OCA2: variants seen among roughly 807,000 people sequenced by gnomAD.
OCA2 encodes the protein P protein.
Under a neutral mutation model 100.2 loss-of-function variants are expected in OCA2, and 77 were observed. The ratio of observed to expected loss-of-function variants is 0.77; its 90% CI spans 0.64 to 0.93. OCA2 has a LOEUF of 0.93. Ranked by LOEUF, OCA2 falls within the 40% of genes least tolerant of loss-of-function variation. The pLI, the probability that OCA2 is intolerant of heterozygous loss-of-function variation, is 0.00. For synonymous variants in OCA2, 432 were observed against 439.2 expected, an observed-to-expected ratio of 0.98 and a Z score of 0.21; for missense variants, 1,062 against 1,089.1, an observed-to-expected ratio of 0.98 and a Z score of 0.35.
the OCA2 span, among the ~76,000 whole-genome samples, chr15:27,737,071 G>T: frequency 6.6e-6 from 1 of 152,066 alleles, no homozygotes; most frequent in Non-Finnish European, 1.5e-5. Flanking sequence ...AATTAGAAAA[G>T]AAACTTTTTA....
At chr15:27,939,589 T>C (rs2039574629) in intron 18 of OCA2, among the ~76,000 whole-genome samples, 1 of 152,224 alleles carries the variant, frequency 6.6e-6, no homozygotes, top group African/African-American at 2.4e-5. Flanking sequence ...TAACTAAGCA[T>C]AAAGAAATAA....
chr15:27,888,083 T>C (rs1420928467), intron 19 of OCA2, among the ~76,000 whole-genome samples: 1 of 152,096 alleles, frequency 6.6e-6, no homozygotes, highest in Non-Finnish European at 1.5e-5. Context: ...TAACAAACAC[T>C]TAGCCATGGA....
chr15:27,901,207 A>T (rs1336889749), intron 19 of OCA2, among the ~76,000 whole-genome samples: 1 of 152,252 alleles, frequency 6.6e-6, no homozygotes, highest in Non-Finnish European at 1.5e-5. Flanking sequence ...TGGACTGGAC[A>T]AACGATGTTT....
At chr15:28,041,312 T>G (rs2043195004) in intron 2 of OCA2, among the ~76,000 whole-genome samples, 1 of 118,086 alleles carries the variant, frequency 8.5e-6, no homozygotes, top group African/African-American at 5.6e-5. Context: ...TTCAACACCC[T>G]TTCATGATTA....
intron 9 of OCA2, among the ~76,000 whole-genome samples, chr15:28,005,394 G>A (rs2042061538): frequency 6.6e-6 from 1 of 152,082 alleles, no homozygotes; most frequent in Non-Finnish European, 1.5e-5. Flanking sequence ...AGTTTCCCGG[G>A]CTGCTGTCAC....
chr15:27,965,826 T>C (rs2040546774), intron 15 of OCA2, among the ~76,000 whole-genome samples: 1 of 152,218 alleles, frequency 6.6e-6, no homozygotes, highest in South Asian at 2.1e-4. Context: ...AAATAATCTA[T>C]TGTTCCTAAT....
intron 2 of OCA2, among the ~76,000 whole-genome samples, chr15:28,055,698 A>G (rs922629355): frequency 6.6e-6 from 1 of 152,206 alleles, no homozygotes. Flanking sequence ...CGGGGAGCCA[A>G]GCCCACCTGA....
At chr15:27,886,342 A>G (rs2037222275) in intron 19 of OCA2, among the ~76,000 whole-genome samples, 1 of 152,222 alleles carries the variant, frequency 6.6e-6, no homozygotes, top group African/African-American at 2.4e-5. Flanking sequence ...AAGGAAAAAG[A>G]GGAAGCAGTG....
At chr15:27,976,471 T>C (rs1263282255) in intron 14 of OCA2, among the ~76,000 whole-genome samples, 1 of 152,186 alleles carries the variant, frequency 6.6e-6, no homozygotes, top group Non-Finnish European at 1.5e-5. Flanking sequence ...GTAATAGATA[T>C]CGGATTTTGC....
At chr15:28,066,913 T>C (rs906369939) in intron 2 of OCA2, among the ~76,000 whole-genome samples, 15 of 152,178 alleles carry the variant, frequency 9.9e-5, no homozygotes, top group East Asian at 7.7e-4. Context: ...TTTCAACCAA[T>C]TGCCAATCAA....
At chr15:27,745,411 G>A in the OCA2 span, among the ~76,000 whole-genome samples, 7 of 152,034 alleles carry the variant, frequency 4.6e-5, no homozygotes. Flanking sequence ...CAAGATATTG[G>A]GATATCTGGA....
At position 27,957,849 on chromosome 15, in the gene OCA2, T is replaced by G. The variant is rs1567157015; in HGVS notation, c.1637-114A>C. On this transcript the variant is annotated intron_variant, in intron 15 of 23. Coordinates refer to ENST00000354638, the MANE Select transcript of OCA2 (RefSeq NM_000275.3). This position sits in a 1 kb window ranked among gnomAD's most constrained non-coding sequence, Gnocchi z 4.3. ...ACAGAGCAGACACACACTCGAGACG[T>G]GCAGGTAGCCCAGGGTCACCCAGAG... The G allele has an allele frequency of 1.5e-6, 2 of 1,293,996 alleles. No individual in the cohort carries two copies. Among genetic ancestry groups the G allele is most frequent in the Non-Finnish European group, 2.2e-6 (2 of 913,166 alleles). 80.2% of individuals were successfully genotyped at this position (1,293,996 alleles called of 1,614,324 possible).
intron 19 of OCA2, among the ~76,000 whole-genome samples, chr15:27,889,093 G>C (rs143164303): frequency 3.3e-5 from 5 of 152,302 alleles, no homozygotes; most frequent in Non-Finnish European, 5.9e-5. Flanking sequence ...CACACATGAA[G>C]AGAAGTTAGA....
At chr15:28,088,479 A>G (rs2044816174) in intron 1 of OCA2, among the ~76,000 whole-genome samples, 1 of 152,248 alleles carries the variant, frequency 6.6e-6, no homozygotes, top group Admixed American at 6.5e-5. Context: ...AGATACACCA[A>G]GAAACATTAT....
At chr15:27,720,413 A>G in the OCA2 span, among the ~76,000 whole-genome samples, 2 of 149,818 alleles carry the variant, frequency 1.3e-5, no homozygotes, top group Admixed American at 1.3e-4. Context: ...ATATATATGC[A>G]TTTATTTTTT....
At chr15:28,088,748 T>C (rs1410609794) in intron 1 of OCA2, among the ~76,000 whole-genome samples, 1 of 152,174 alleles carries the variant, frequency 6.6e-6, no homozygotes, top group African/African-American at 2.4e-5. Context: ...GATCACATGC[T>C]TCACAAGGTA....
intron 2 of OCA2, among the ~76,000 whole-genome samples, chr15:28,068,427 A>G (rs186317788): frequency 6.6e-5 from 10 of 152,362 alleles, no homozygotes; most frequent in African/African-American, 2.4e-4. Context: ...GAAAACCTGA[A>G]TAAACCAGTA....
chr15:27,886,788 T>A (rs2037239516), intron 19 of OCA2, among the ~76,000 whole-genome samples: 2 of 152,260 alleles, frequency 1.3e-5, no homozygotes, highest in South Asian at 2.1e-4. Flanking sequence ...CCAAACTCCC[T>A]GCTTACTCCT....
At chr15:27,814,226 G>GA (rs1166579859) in intron 23 of OCA2, among the ~76,000 whole-genome samples, 1 of 151,168 alleles carries the variant, frequency 6.6e-6, no homozygotes, top group Non-Finnish European at 1.5e-5. Context: ...AAAAAAACAA[G>GA]AAAAAACACA....
Sources: gnomAD v4.1 joint callset for allele counts (sites outside exome capture counted in the v4.1 genomes callset) on GRCh38, gnomAD v4.1.1 for gene constraint, Gnocchi (gnomAD v3.1) non-coding constraint, MANE v1.5 for transcripts, NCBI Gene and HGNC (gene_info 2026-07-23, HGNC 2026-07-21) for gene names.